The following MTUS1 variants were observed in gnomAD, a reference collection of about 807,000 sequenced individuals.
MTUS1 encodes microtubule-associated tumor suppressor 1.
MTUS1 carries 109 observed loss-of-function variants against 120.8 expected under a neutral mutation model. That is an observed-to-expected ratio of 0.90 (90% CI 0.77 to 1.06). The LOEUF is 1.06. Ranked by LOEUF, MTUS1 falls within the 50% of genes least tolerant of loss-of-function variation. MTUS1 has a pLI of 0.00. For synonymous variants in MTUS1, 737 were observed against 550.5 expected (o/e 1.34, Z -4.74); for missense variants, 2,210 against 1,486.3 (o/e 1.49, Z -8.01).
chr8:17,759,646 A>T (rs1384727892), intron 1 of MTUS1, among the ~76,000 whole-genome samples: 2 of 147,828 alleles, frequency 1.4e-5, no homozygotes, highest in Non-Finnish European at 3.0e-5. Context: ...TTATATATAA[A>T]AATACGTAAT....
chr8:17,723,605 A>C (rs1428613248), intron 4 of MTUS1, 67 bp downstream of exon 4: 2 of 1,488,260 alleles, frequency 1.3e-6, no homozygotes, highest in Non-Finnish European at 1.9e-6. Flanking sequence ...AATTATTTGC[A>C]GAGCATTAGT....
At chr8:17,791,360 G>A (rs2051768863) in intron 1 of MTUS1, among the ~76,000 whole-genome samples, 1 of 152,142 alleles carries the variant, frequency 6.6e-6, no homozygotes, top group Non-Finnish European at 1.5e-5. Context: ...TTTAAATACT[G>A]TATATTAATA....
Position 17,788,316 on chromosome 8 carries a change from G to C in MTUS1, c.-155+12745C>G, listed in dbSNP as rs181192907. On this transcript the variant is annotated intron_variant, in intron 1 of 14. Coordinates refer to ENST00000693296, the MANE Select transcript of MTUS1 (RefSeq NM_001363059.2). ...TAGTGAACAGCAGTGTGTATTCTGAGACATATTCATGAATTCTTATTGGAA... is the reference window on the plus strand; with the variant it reads ...TAGTGAACAGCAGTGTGTATTCTGACACATATTCATGAATTCTTATTGGAA... Among the ~76,000 whole-genome samples, 11 of 152,296 alleles carry C rather than the reference G, an allele frequency of 7.2e-5. No homozygotes were observed. The East Asian group carries it at 1.9e-3, about 27-fold the overall frequency.
chr8:17,650,484 T>A lies in MTUS1; in HGVS notation c.3385-522A>T, dbSNP rs185990897. Among the ~76,000 whole-genome samples, 3 of 152,210 alleles carry A rather than the reference T, an allele frequency of 2.0e-5. No homozygotes were observed. In the East Asian group the frequency reaches 5.8e-4, roughly 29 times the overall value. ...TTCTAGGGCAGACATAATACTATCATTTTCTATTGTGACACCCCAGTACCT... is the reference window on the plus strand; with the variant it reads ...TTCTAGGGCAGACATAATACTATCAATTTCTATTGTGACACCCCAGTACCT... On this transcript the variant is annotated intron_variant, in intron 12 of 14. Transcript: ENST00000693296.
At chr8:17,787,682 C>T (rs917300183) in intron 1 of MTUS1, among the ~76,000 whole-genome samples, 1 of 152,208 alleles carries the variant, frequency 6.6e-6, no homozygotes, top group African/African-American at 2.4e-5. Context: ...CTCATAGGGT[C>T]GTTTTAGAGT....
At chr8:17,701,683 G>C (rs1234569937) in intron 6 of MTUS1, among the ~76,000 whole-genome samples, 1 of 152,000 alleles carries the variant, frequency 6.6e-6, no homozygotes, top group Admixed American at 6.6e-5. Context: ...GAGTAGCTGG[G>C]ACTACAGGCG....
At chr8:17,788,121 C>CA (rs1158573994) in intron 1 of MTUS1, among the ~76,000 whole-genome samples, 357 of 142,566 alleles carry the variant, frequency 2.5e-3, no homozygotes, top group African/African-American at 7.3e-3. Flanking sequence ...AACTCCATCT[C>CA]AAAAAAAAAA....
intron 1 of MTUS1, among the ~76,000 whole-genome samples, chr8:17,793,961 C>T (rs969752215): frequency 6.6e-6 from 1 of 152,132 alleles, no homozygotes; most frequent in Non-Finnish European, 1.5e-5. Flanking sequence ...GAAAAGAGGT[C>T]AAATTCTTTT....
At chr8:17,704,612 T>C (rs1819772454) in intron 6 of MTUS1, among the ~76,000 whole-genome samples, 1 of 152,222 alleles carries the variant, frequency 6.6e-6, no homozygotes, top group Non-Finnish European at 1.5e-5. Context: ...GACTATTTTA[T>C]TCCATCGGTC....
intron 7 of MTUS1, among the ~76,000 whole-genome samples, chr8:17,677,468 T>G (rs573746399): frequency 9.9e-5 from 15 of 152,156 alleles, no homozygotes; most frequent in Non-Finnish European, 2.1e-4. Context: ...TTTTTCAAAT[T>G]TATGGAAACT....
At chr8:17,746,770 G>T (rs1396110940) in intron 2 of MTUS1, among the ~76,000 whole-genome samples, 2 of 152,172 alleles carry the variant, frequency 1.3e-5, no homozygotes, top group East Asian at 3.8e-4. Context: ...TAAATTCTAA[G>T]TATATGTATC....
At position 17,653,485 on chromosome 8, in the gene MTUS1, G is replaced by C; in HGVS notation, c.3228C>G (p.Gly1076=). The C allele has an allele frequency of 6.2e-7, 1 of 1,610,138 alleles. No individual in the cohort carries two copies. The highest frequency in any genetic ancestry group is 1.1e-5 in the South Asian group (1 of 90,236). Residue 1076 remains glycine (G), a synonymous_variant, in exon 11 of 15, where the codon GGC becomes GGG. Transcript: ENST00000693296. ...YEASLSEIKK[G]HEIEKKSLED... ...CAAGCGATTTCTTTTCTATTTCATG[G>C]CCTTTCTTAATTTCTGGGAAAATAA... is the stretch of plus-strand genomic sequence containing the variant.
chr8:17,800,029 C>T (rs117035234), intron 1 of MTUS1, among the ~76,000 whole-genome samples: 3,351 of 152,242 alleles, frequency 0.022, 62 homozygotes, highest in South Asian at 0.037. Flanking sequence ...TCATTTCCTG[C>T]CCTAACCATC....
chr8:17,739,840 A>C (rs900719289), intron 3 of MTUS1, among the ~76,000 whole-genome samples: 7 of 152,148 alleles, frequency 4.6e-5, no homozygotes, highest in African/African-American at 1.7e-4. Flanking sequence ...TCACTATCTC[A>C]TCTTATTTCA....
At chr8:17,648,041 C>T (rs1360475922) in intron 13 of MTUS1, among the ~76,000 whole-genome samples, 1 of 152,122 alleles carries the variant, frequency 6.6e-6, no homozygotes, top group Non-Finnish European at 1.5e-5. Flanking sequence ...GAAGGATTCC[C>T]AGATAAAACA....
intron 1 of MTUS1, among the ~76,000 whole-genome samples, chr8:17,764,826 T>C (rs2049338247): frequency 6.6e-6 from 1 of 152,170 alleles, no homozygotes; most frequent in South Asian, 2.1e-4. Flanking sequence ...AATCCCGTGG[T>C]CCCCAACCTT....
chr8:17,656,070 A>T lies in MTUS1; in HGVS notation c.2906-5T>A. The T allele has an allele frequency of 6.2e-7, 1 of 1,613,796 alleles. No individual in the cohort carries two copies. Among genetic ancestry groups the T allele is most frequent in the Non-Finnish European group, 8.5e-7 (1 of 1,179,678 alleles). On this transcript the variant is annotated splice_region_variant and splice_polypyrimidine_tract_variant and intron_variant, in intron 8 of 14. Coordinates refer to ENST00000693296, the MANE Select transcript of MTUS1 (RefSeq NM_001363059.2). ...CACAGGTGGTTGAAGCAGTGACTGA[A>T]AACAGAGGAGAAAGAAGAGGGAAGA... is the stretch of plus-strand genomic sequence containing the variant.
At chr8:17,795,770 G>C (rs965438897) in intron 1 of MTUS1, among the ~76,000 whole-genome samples, 2 of 151,518 alleles carry the variant, frequency 1.3e-5, no homozygotes, top group Admixed American at 6.6e-5. Context: ...CTCCCACGTA[G>C]CGGGGATATA....
chr8:17,713,986 C>T (rs1821835987), intron 5 of MTUS1, among the ~76,000 whole-genome samples: 1 of 152,170 alleles, frequency 6.6e-6, no homozygotes, highest in African/African-American at 2.4e-5. Context: ...AATTCTGAGT[C>T]TCCTGTTCTA....
Sources: gnomAD v4.1 joint callset for allele counts (sites outside exome capture counted in the v4.1 genomes callset) on GRCh38, gnomAD v4.1.1 for gene constraint, MANE v1.5 for transcripts, NCBI Gene and HGNC (gene_info 2026-07-23, HGNC 2026-07-21) for gene names.